The following DTNBP1 variants were observed in gnomAD, a reference collection of about 807,000 sequenced individuals.
DTNBP1 encodes dystrobrevin binding protein 1.
A neutral mutation model predicts 42.8 loss-of-function variants in DTNBP1; 35 were observed. The ratio of observed to expected loss-of-function variants is 0.82; its 90% CI spans 0.63 to 1.09. The LOEUF is 1.09. DTNBP1 is among the 50% of genes least tolerant of loss of function. DTNBP1 has a pLI of 0.00. For missense variants in DTNBP1, 457 were observed against 424.2 expected, an observed-to-expected ratio of 1.08 and a Z score of -0.68; for synonymous variants, 171 against 162.2, an observed-to-expected ratio of 1.05 and a Z score of -0.41.
chr6:15,585,933 C>G (rs1439150779), intron 7 of DTNBP1: 1 of 1,378,996 alleles, frequency 7.3e-7, no homozygotes, highest in African/African-American at 1.5e-5. Context: ...TAGTTTTTTG[C>G]TGATGGCTTA....
At chr6:15,523,787 C>CCCAA (rs1772118794) in intron 9 of DTNBP1, 1 of 1,287,116 alleles carries the variant, frequency 7.8e-7, no homozygotes, top group Admixed American at 2.3e-5. Context: ...GGCAAATGCA[C>CCCAA]CCAAGCTCCT....
intron 5 of DTNBP1, 94 bp downstream of exon 5, chr6:15,627,249 T>C (rs1759399521): frequency 6.6e-7 from 1 of 1,516,144 alleles, no homozygotes. Context: ...ACCCAGAATT[T>C]CATGTGTTCC....
intron 6 of DTNBP1, among the ~76,000 whole-genome samples, chr6:15,612,121 A>G (rs1758440464): frequency 6.6e-6 from 1 of 152,240 alleles, no homozygotes; most frequent in South Asian, 2.1e-4. Flanking sequence ...TTTAATTAAG[A>G]TAATGCCACA....
intron 7 of DTNBP1, among the ~76,000 whole-genome samples, chr6:15,549,603 G>A (rs1371102721): frequency 6.6e-6 from 1 of 151,110 alleles, no homozygotes; most frequent in Non-Finnish European, 1.5e-5. Context: ...TGCCCTTTCC[G>A]TCAGCCCTCC....
chr6:15,553,395 A>C (rs1774323888), intron 7 of DTNBP1, among the ~76,000 whole-genome samples: 1 of 151,720 alleles, frequency 6.6e-6, no homozygotes, highest in South Asian at 2.1e-4. Context: ...CATACAAGAT[A>C]GATATTGTTT....
chr6:15,526,244 A>T (rs916023442), intron 8 of DTNBP1, among the ~76,000 whole-genome samples: 31 of 152,206 alleles, frequency 2.0e-4, no homozygotes, highest in Non-Finnish European at 3.5e-4. Context: ...AGTGCAAGAA[A>T]GCATGTTAAG....
At chr6:15,573,771 G>A (rs11969192) in intron 7 of DTNBP1, among the ~76,000 whole-genome samples, 4,161 of 152,182 alleles carry the variant, frequency 0.027, 186 homozygotes, top group African/African-American at 0.088. Context: ...GCAGTGGTGC[G>A]ATCTCGGCTG....
At chr6:15,601,200 T>C (rs1776714161) in intron 6 of DTNBP1, among the ~76,000 whole-genome samples, 2 of 152,184 alleles carry the variant, frequency 1.3e-5, no homozygotes, top group South Asian at 2.1e-4. Flanking sequence ...AAGAAAAACA[T>C]AGGTTAAACA....
chr6:15,606,156 T>C (rs1037406939), intron 6 of DTNBP1, among the ~76,000 whole-genome samples: 4 of 152,260 alleles, frequency 2.6e-5, no homozygotes, highest in African/African-American at 9.6e-5. Flanking sequence ...CTAGGCTGTA[T>C]ATTTCCCTAC....
Position 15,652,278 on chromosome 6 carries a change from C to T in DTNBP1, c.57-138G>A, listed in dbSNP as rs79846906. Reference sequence around the variant, plus strand: ...CTCACTGCAGCCTCAATCCTGGGCCCAAGTGATCCTCCCACCTCATCCTCC... The same window carrying T: ...CTCACTGCAGCCTCAATCCTGGGCCTAAGTGATCCTCCCACCTCATCCTCC... On this transcript the variant is annotated intron_variant, in intron 1 of 9. Transcript: ENST00000344537. 10,975 of 598,388 alleles carry T rather than the reference C, an allele frequency of 0.018. 139 individuals carry two copies. Among genetic ancestry groups the T allele is most frequent in the Middle Eastern group, 0.038 (83 of 2,188 alleles). The allele number at this position is 598,388 out of a possible 1,614,324, so 37.1% of individuals were successfully genotyped here. A position where few individuals can be genotyped will look rare whatever the true frequency, so the allele number is the denominator to read the frequency against.
intron 3 of DTNBP1, among the ~76,000 whole-genome samples, chr6:15,646,934 A>C (rs1053893387): frequency 1.3e-5 from 2 of 151,886 alleles, no homozygotes; most frequent in African/African-American, 4.8e-5. Context: ...CTAGAAAAAA[A>C]CCCTTTTGGG....
In DTNBP1 at chr6:15,613,357, A is replaced by T. The variant is rs1207163779; in HGVS notation, c.488+1910T>A. On this transcript the variant is annotated intron_variant, in intron 6 of 9. Coordinates refer to ENST00000344537, the MANE Select transcript of DTNBP1 (RefSeq NM_032122.5). The stretch of plus-strand genomic sequence containing the variant: ...ATGCCCCTTTTTTGACACGGACCCC[A>T]TTTTTTTTTTTTTTTTTTTTTTTTT... Among the ~76,000 whole-genome samples the T allele has an allele frequency of 8.2e-5, 2 of 24,302 alleles. 1 individual carries two copies. Among genetic ancestry groups the T allele is most frequent in the Non-Finnish European group, 1.6e-4 (2 of 12,760 alleles). The allele number at this position is 24,302 out of a possible 152,430, so 15.9% of individuals were successfully genotyped here.
chr6:15,528,239 A>G (rs1772553307), intron 8 of DTNBP1, among the ~76,000 whole-genome samples: 2 of 152,366 alleles, frequency 1.3e-5, no homozygotes, highest in South Asian at 4.1e-4. Context: ...AGCAGACTCA[A>G]GCTTCACTAG....
At position 15,587,923 on chromosome 6, in the gene DTNBP1, G is replaced by T. The variant is rs914152867; in HGVS notation, c.511+5136C>A. 2.6e-5 allele frequency among the ~76,000 whole-genome samples: 4 copies of T among 152,096 alleles called. No homozygotes were observed. The highest frequency in any genetic ancestry group is 4.4e-5 in the Non-Finnish European group (3 of 68,004). On this transcript the variant is annotated intron_variant, in intron 7 of 9. Coordinates refer to ENST00000344537, the MANE Select transcript of DTNBP1 (RefSeq NM_032122.5). This position sits in a 1 kb window ranked among gnomAD's most constrained non-coding sequence, Gnocchi z 4.1. ...AATGGTACAGCCATTTTAGAAAACA[G>T]TTCAGCAGTTTCTCAAAAAGTTAAA...
chr6:15,553,307 T>C (rs1349768631), intron 7 of DTNBP1, among the ~76,000 whole-genome samples: 1 of 151,718 alleles, frequency 6.6e-6, no homozygotes, highest in African/African-American at 2.4e-5. Context: ...AGAAATAGCA[T>C]ACAAAAAAGG....
At position 15,620,597 on chromosome 6, in the gene DTNBP1, T is replaced by C. The variant is rs1449302449; in HGVS notation, c.356-5198A>G. 2.0e-5 allele frequency among the ~76,000 whole-genome samples: 3 copies of C among 152,368 alleles called. No homozygotes were observed. In the East Asian group the frequency reaches 5.8e-4, roughly 29 times the overall value. Reference sequence around the variant, plus strand: ...ATTCAGCTCATTCTGTTATAACTAGTCTGACATGGTCTTAAAATGTATAAA... The same window carrying C: ...ATTCAGCTCATTCTGTTATAACTAGCCTGACATGGTCTTAAAATGTATAAA... On this transcript the variant is annotated intron_variant, in intron 5 of 9. Transcript: ENST00000344537.
chr6:15,659,134 T>C (rs1173941343), intron 1 of DTNBP1, among the ~76,000 whole-genome samples: 1 of 152,252 alleles, frequency 6.6e-6, no homozygotes, highest in African/African-American at 2.4e-5. Flanking sequence ...TGTAGAAATT[T>C]ATTCTTATTG....
Position 15,524,678 on chromosome 6 carries a change from A to G in DTNBP1, c.668-9T>C. On this transcript the variant is annotated splice_polypyrimidine_tract_variant and intron_variant, in intron 8 of 9. Transcript: ENST00000344537. ...CATGCTGCCTATGGGCTCTGCGGAT[A>G]GATCAACACGAGAAAGGACACGCTG... 1 of 1,612,186 alleles carries G rather than the reference A, an allele frequency of 6.2e-7. No homozygotes were observed.
chr6:15,611,865 T>C (rs1339460385), intron 6 of DTNBP1, among the ~76,000 whole-genome samples: 1 of 152,216 alleles, frequency 6.6e-6, no homozygotes, highest in African/African-American at 2.4e-5. Flanking sequence ...GCAAAGGAAG[T>C]GGTTTCTTGA....
Sources: allele counts gnomAD v4.1 joint callset (sites outside exome capture counted in the v4.1 genomes callset), GRCh38; gene constraint gnomAD v4.1.1; non-coding constraint Gnocchi (gnomAD v3.1); transcripts MANE v1.5; gene names NCBI Gene and HGNC (gene_info 2026-07-23, HGNC 2026-07-21).